Variants in TMEM178B observed in about 807,000 individuals in gnomAD.
The protein encoded by TMEM178B is transmembrane protein 178B.
TMEM178B carries 5 observed loss-of-function variants against 31.0 expected under a neutral mutation model. That is an observed-to-expected ratio of 0.16 (90% CI 0.08 to 0.34). The LOEUF is 0.34. TMEM178B is among the 10% of genes least tolerant of loss of function. The pLI is 1.00. For synonymous variants in TMEM178B, 164 were observed against 164.0 expected, an observed-to-expected ratio of 1.00 and a Z score of 0.00; for missense variants, 275 against 400.3, an observed-to-expected ratio of 0.69 and a Z score of 2.67.
intron 2 of TMEM178B, among the ~76,000 whole-genome samples, chr7:141,216,857 C>T (rs1049041069): frequency 2.6e-5 from 4 of 151,924 alleles, no homozygotes; most frequent in South Asian, 2.1e-4. Flanking sequence ...CAGTGCAAAG[C>T]GAGGTAGAAC....
At chr7:141,169,781 A>T (rs1214401739) in intron 1 of TMEM178B, among the ~76,000 whole-genome samples, 2 of 152,184 alleles carry the variant, frequency 1.3e-5, no homozygotes, top group Non-Finnish European at 2.9e-5. Flanking sequence ...CCACGTTTTG[A>T]TTTTCAGACT....
At chr7:141,161,669 C>T (rs181534755) in intron 1 of TMEM178B, among the ~76,000 whole-genome samples, 5 of 152,130 alleles carry the variant, frequency 3.3e-5, no homozygotes, top group African/African-American at 9.6e-5. Flanking sequence ...CGGGCCTGGG[C>T]GTGGGTGCCT....
chr7:141,509,074 G>C, the TMEM178B span, among the ~76,000 whole-genome samples: 1 of 152,148 alleles, frequency 6.6e-6, no homozygotes, highest in Non-Finnish European at 1.5e-5. Context: ...GGAAACAGTA[G>C]ACCTCAGGAA....
intron 2 of TMEM178B, among the ~76,000 whole-genome samples, chr7:141,401,448 C>T (rs1412849330): frequency 6.6e-6 from 1 of 152,228 alleles, no homozygotes; most frequent in Non-Finnish European, 1.5e-5. Flanking sequence ...GGGTCTTGCT[C>T]TGTCACCCAG....
chr7:141,353,289 T>A (rs1799765894), intron 2 of TMEM178B, among the ~76,000 whole-genome samples: 1 of 152,202 alleles, frequency 6.6e-6, no homozygotes. Context: ...AGCATTCTCC[T>A]AAGGATCTTT....
chr7:141,274,441 A>G (rs1006251662), intron 2 of TMEM178B, among the ~76,000 whole-genome samples: 4 of 152,200 alleles, frequency 2.6e-5, no homozygotes, highest in African/African-American at 9.6e-5. Flanking sequence ...TGGATTTCAT[A>G]GGTTCTGACT....
In TMEM178B at chr7:141,326,066, A is replaced by G. The variant is rs915727749; in HGVS notation, c.497-111542A>G. On this transcript the variant is annotated intron_variant, in intron 2 of 3. Coordinates refer to ENST00000565468, the MANE Select transcript of TMEM178B (RefSeq NM_001195278.2). The stretch of plus-strand genomic sequence containing the variant: ...CAGTTGTGAATAACCCTATTTTTAT[A>G]ATATTCAGACATTTTAAAATTCAAT... Among the ~76,000 whole-genome samples the G allele has an allele frequency of 1.4e-3, 209 of 152,348 alleles. 2 individuals carry two copies. Among genetic ancestry groups the G allele is most frequent in the African/African-American group, 4.8e-3 (198 of 41,584 alleles).
At chr7:141,123,946 G>A (rs1389828495) in intron 1 of TMEM178B, among the ~76,000 whole-genome samples, 1 of 152,102 alleles carries the variant, frequency 6.6e-6, no homozygotes, top group Non-Finnish European at 1.5e-5. Flanking sequence ...GTGGAGACAA[G>A]GTTTCGCCAT....
chr7:141,315,502 T>G (rs1419610902), intron 2 of TMEM178B, among the ~76,000 whole-genome samples: 2 of 152,188 alleles, frequency 1.3e-5, no homozygotes, highest in Non-Finnish European at 2.9e-5. Context: ...TTGCAAATCT[T>G]ACCCCTTCTT....
intron 1 of TMEM178B, among the ~76,000 whole-genome samples, chr7:141,194,842 G>C (rs1796756250): frequency 2.6e-5 from 4 of 152,336 alleles, no homozygotes; most frequent in Admixed American, 2.6e-4. Context: ...CACATCTTCT[G>C]AAGTCTAGGT....
chr7:141,258,101 G>A lies in TMEM178B; in HGVS notation c.496+45397G>A, dbSNP rs532870185. Among the ~76,000 whole-genome samples the A allele has an allele frequency of 3.3e-5, 5 of 151,526 alleles. No homozygotes were observed. The South Asian group carries it at 1.0e-3, about 31-fold the overall frequency. The stretch of plus-strand genomic sequence containing the variant: ...AATACTAATTTAATTCTGGCAAAAT[G>A]TGGAAACTTTGCTCCAATAGAACTT... On this transcript the variant is annotated intron_variant, in intron 2 of 3. Transcript: ENST00000565468.
intron 2 of TMEM178B, among the ~76,000 whole-genome samples, chr7:141,408,687 A>C (rs1800929153): frequency 2.0e-5 from 3 of 152,228 alleles, no homozygotes; most frequent in Admixed American, 2.0e-4. Flanking sequence ...GAACACCTTT[A>C]CAACACCGTG....
chr7:141,392,355 CTGAAG>C (rs1800558125), intron 2 of TMEM178B, among the ~76,000 whole-genome samples: 1 of 152,188 alleles, frequency 6.6e-6, no homozygotes, highest in Admixed American at 6.5e-5. Context: ...TTCTATGCTT[CTGAAG>C]TGAACAGAGA....
At chr7:141,402,130 G>A (rs1800790791) in intron 2 of TMEM178B, among the ~76,000 whole-genome samples, 1 of 152,160 alleles carries the variant, frequency 6.6e-6, no homozygotes, top group Non-Finnish European at 1.5e-5. Flanking sequence ...CCTGCCCTCC[G>A]GAGGACCCGC....
chr7:141,253,873 A>G (rs1441751993), intron 2 of TMEM178B, among the ~76,000 whole-genome samples: 1 of 152,094 alleles, frequency 6.6e-6, no homozygotes, highest in Non-Finnish European at 1.5e-5. Flanking sequence ...TGAAGGCTCT[A>G]CAATGAGTTG....
At chr7:141,383,219 CT>C (rs980492930) in intron 2 of TMEM178B, among the ~76,000 whole-genome samples, 15 of 145,914 alleles carry the variant, frequency 1.0e-4, no homozygotes, top group African/African-American at 2.3e-4. Flanking sequence ...TAAGATAATT[CT>C]TTTTTTTTTA....
intron 1 of TMEM178B, among the ~76,000 whole-genome samples, chr7:141,160,344 C>G (rs1022043201): frequency 5.3e-5 from 8 of 152,128 alleles, no homozygotes. Context: ...TACCCCGGCA[C>G]CAGCTTCACT....
In TMEM178B at chr7:141,115,803, A is replaced by G. The variant is rs1420594427; in HGVS notation, c.382+41111A>G. Among the ~76,000 whole-genome samples the G allele has an allele frequency of 5.3e-5, 8 of 152,284 alleles. No homozygotes were observed. In the South Asian group the frequency reaches 6.2e-4, roughly 12 times the overall value. ...GGTTGAGAGCTGCATTTAAAGGAAA[A>G]CATTCTTCTGAACCCCCAGAGTTGA... On this transcript the variant is annotated intron_variant, in intron 1 of 3. Coordinates refer to ENST00000565468, the MANE Select transcript of TMEM178B (RefSeq NM_001195278.2).
intron 2 of TMEM178B, among the ~76,000 whole-genome samples, chr7:141,362,443 C>T (rs1290605262): frequency 6.6e-6 from 1 of 152,066 alleles, no homozygotes; most frequent in African/African-American, 2.4e-5. Context: ...CCCCATGGTG[C>T]CTATAAAACC....
Sources: allele counts gnomAD v4.1 joint callset (sites outside exome capture counted in the v4.1 genomes callset), GRCh38; gene constraint gnomAD v4.1.1; transcripts MANE v1.5; gene names NCBI Gene and HGNC (gene_info 2026-07-23, HGNC 2026-07-21).